Variants in TMEM132D observed in about 807,000 individuals in gnomAD.
TMEM132D encodes the protein mature OL transmembrane protein.
A neutral mutation model predicts 62.3 loss-of-function variants in TMEM132D; 21 were observed. The ratio of observed to expected loss-of-function variants is 0.34; its 90% CI spans 0.24 to 0.49. The LOEUF (loss-of-function observed/expected upper bound fraction) is 0.49. Ranked by LOEUF, TMEM132D falls within the 20% of genes least tolerant of loss-of-function variation. The probability of loss-of-function intolerance (pLI) is 0.99; values close to 1 mark genes in which losing one functional copy is unlikely to be tolerated. For missense variants in TMEM132D, 1,346 were observed against 1,402.8 expected (o/e 0.96, Z 0.65); for synonymous variants, 621 against 575.6 (o/e 1.08, Z -1.13).
At chr12:129,605,080 T>C (rs796583312) in intron 2 of TMEM132D, among the ~76,000 whole-genome samples, 14 of 152,288 alleles carry the variant, frequency 9.2e-5, no homozygotes, top group African/African-American at 3.4e-4. Context: ...AATATACTAG[T>C]GATATAAATC....
At position 129,335,127 on chromosome 12, in the gene TMEM132D, C is replaced by CTTTTTT. The variant is rs386378228; in HGVS notation, c.1299+2501_1299+2506dup. Among the ~76,000 whole-genome samples, 11 of 104,668 alleles carry CTTTTTT rather than the reference C, an allele frequency of 1.1e-4. No homozygotes were observed. The East Asian group carries it at 1.2e-3, about 11-fold the overall frequency. 68.7% of individuals were successfully genotyped at this position (104,668 alleles called of 152,430 possible). On this transcript the variant is annotated intron_variant, in intron 4 of 8. Coordinates refer to ENST00000422113, the MANE Select transcript of TMEM132D (RefSeq NM_133448.3). ...TATAGGCTGGGTACTCTAATAAGTACTTTTTTTTTTTTTTTTTTTTTTGAG... is the reference window on the plus strand; with the variant it reads ...TATAGGCTGGGTACTCTAATAAGTACTTTTTTTTTTTTTTTTTTTTTTTTTTTTGAG...
chr12:129,142,462 C>A (rs1876772518), intron 5 of TMEM132D, among the ~76,000 whole-genome samples: 1 of 152,142 alleles, frequency 6.6e-6, no homozygotes, highest in Non-Finnish European at 1.5e-5. Flanking sequence ...CCTTTGATTA[C>A]TGTGTGTTCT....
chr12:129,513,484 T>C lies in TMEM132D; in HGVS notation c.1115+17575A>G, dbSNP rs141414211. 2.8e-3 allele frequency among the ~76,000 whole-genome samples: 422 copies of C among 151,838 alleles called. 1 individual carries two copies. Among genetic ancestry groups the C allele is most frequent in the African/African-American group, 9.7e-3 (402 of 41,402 alleles). ...AGTGGGAAAAAAACAAAAACAGGTT[T>C]GTTTGTTTGTTTGTTTTTGAGACAG... On this transcript the variant is annotated intron_variant, in intron 3 of 8. Transcript: ENST00000422113.
chr12:129,493,301 A>C (rs1389623727), intron 3 of TMEM132D, among the ~76,000 whole-genome samples: 1 of 152,234 alleles, frequency 6.6e-6, no homozygotes, highest in Non-Finnish European at 1.5e-5. Context: ...TTAATATCTA[A>C]GACAGCATTG....
At chr12:129,126,178 G>A (rs1385769705) in intron 5 of TMEM132D, among the ~76,000 whole-genome samples, 2 of 151,980 alleles carry the variant, frequency 1.3e-5, no homozygotes, top group African/African-American at 2.4e-5. Flanking sequence ...AAATGTACAG[G>A]GAACTTAAAT....
intron 4 of TMEM132D, among the ~76,000 whole-genome samples, chr12:129,283,035 G>C (rs1455823983): frequency 6.6e-6 from 1 of 152,138 alleles, no homozygotes; most frequent in Non-Finnish European, 1.5e-5. Context: ...CTTATACTAA[G>C]TATCTGAGGG....
chr12:129,487,049 G>T (rs978536729), intron 3 of TMEM132D, among the ~76,000 whole-genome samples: 1 of 151,862 alleles, frequency 6.6e-6, no homozygotes, highest in South Asian at 2.1e-4. Context: ...GGGGTTGTGG[G>T]TGTAGCTGTG....
At chr12:129,152,060 C>A (rs182811041) in intron 5 of TMEM132D, among the ~76,000 whole-genome samples, 2 of 151,958 alleles carry the variant, frequency 1.3e-5, no homozygotes, top group Non-Finnish European at 2.9e-5. Context: ...GTAATTTTGG[C>A]GGAGATGGGG....
At chr12:129,082,643 G>T (rs1874490407) in intron 6 of TMEM132D, among the ~76,000 whole-genome samples, 1 of 152,174 alleles carries the variant, frequency 6.6e-6, no homozygotes. Flanking sequence ...CTGACACTTG[G>T]ACTGCAGCCT....
In TMEM132D at chr12:129,327,581, C is replaced by A. The variant is rs116928207; in HGVS notation, c.1299+10053G>T. Among the ~76,000 whole-genome samples, 1,013 of 152,328 alleles carry A rather than the reference C, an allele frequency of 6.7e-3. 5 individuals carry two copies. The highest frequency in any genetic ancestry group is 0.011 in the Non-Finnish European group (741 of 68,030). On this transcript the variant is annotated intron_variant, in intron 4 of 8. Transcript: ENST00000422113. ...TTCACTGGACAGTGTCTAGTCTAGA[C>A]TCACATTTGCTCTCTGCTGTTCAAA... is the stretch of plus-strand genomic sequence containing the variant.
At chr12:129,474,498 C>T (rs1195906824) in intron 3 of TMEM132D, among the ~76,000 whole-genome samples, 1 of 152,186 alleles carries the variant, frequency 6.6e-6, no homozygotes, top group African/African-American at 2.4e-5. Flanking sequence ...TTCACAACAT[C>T]GCAGTCTGCA....
chr12:129,146,280 A>T (rs1477181727), intron 5 of TMEM132D, among the ~76,000 whole-genome samples: 1 of 152,088 alleles, frequency 6.6e-6, no homozygotes, highest in Non-Finnish European at 1.5e-5. Flanking sequence ...AATTGTGTTG[A>T]TCCCACTGAT....
intron 3 of TMEM132D, among the ~76,000 whole-genome samples, chr12:129,432,522 T>C (rs1872691331): frequency 6.6e-6 from 1 of 152,240 alleles, no homozygotes; most frequent in African/African-American, 2.4e-5. Flanking sequence ...AAGACAACTT[T>C]TCTTCATTGG....
chr12:129,260,170 G>A (rs1880515552), intron 4 of TMEM132D, among the ~76,000 whole-genome samples: 1 of 152,188 alleles, frequency 6.6e-6, no homozygotes, highest in South Asian at 2.1e-4. Flanking sequence ...GATAGCCAAG[G>A]AGACTAGGAA....
intron 1 of TMEM132D, among the ~76,000 whole-genome samples, chr12:129,829,038 G>A (rs1209735959): frequency 6.6e-6 from 1 of 151,858 alleles, no homozygotes; most frequent in Non-Finnish European, 1.5e-5. Context: ...CTGAACCAAG[G>A]ATGCTGGCAG....
rs542092716 is a variant in TMEM132D, at chr12:129,465,466, G to A, written c.1115+65593C>T. ...GGCCAGGGCAATTAGGCAGGAGAAGGAAATAAAGGGTATTCAATTAGGAAA... is the reference window on the plus strand; with the variant it reads ...GGCCAGGGCAATTAGGCAGGAGAAGAAAATAAAGGGTATTCAATTAGGAAA... On this transcript the variant is annotated intron_variant, in intron 3 of 8. Coordinates refer to ENST00000422113, the MANE Select transcript of TMEM132D (RefSeq NM_133448.3). Among the ~76,000 whole-genome samples, 116 of 152,224 alleles carry A rather than the reference G, an allele frequency of 7.6e-4. 1 individual carries two copies. Among genetic ancestry groups the A allele is most frequent in the Admixed American group, 2.7e-3 (42 of 15,294 alleles).
chr12:129,707,014 A>C (rs976624790), intron 1 of TMEM132D, among the ~76,000 whole-genome samples: 1 of 151,478 alleles, frequency 6.6e-6, no homozygotes, highest in East Asian at 1.9e-4. Flanking sequence ...TTGATCAACT[A>C]AACACTCAAA....
intron 1 of TMEM132D, among the ~76,000 whole-genome samples, chr12:129,730,583 C>T (rs1869198687): frequency 6.6e-6 from 1 of 152,062 alleles, no homozygotes; most frequent in Non-Finnish European, 1.5e-5. Context: ...TGAGCGTCAA[C>T]TTGATTGAAC....
intron 3 of TMEM132D, among the ~76,000 whole-genome samples, chr12:129,347,331 A>G (rs1050496115): frequency 3.9e-5 from 6 of 152,250 alleles, no homozygotes; most frequent in African/African-American, 1.4e-4. Flanking sequence ...ACAGTAACCA[A>G]AACAGCATGG....
Sources: allele counts gnomAD v4.1 joint callset (sites outside exome capture counted in the v4.1 genomes callset), GRCh38; gene constraint gnomAD v4.1.1; transcripts MANE v1.5; gene names NCBI Gene and HGNC (gene_info 2026-07-23, HGNC 2026-07-21).